ATP13A1: variants seen among roughly 807,000 people sequenced by gnomAD.
The protein encoded by ATP13A1 is endoplasmic reticulum transmembrane helix translocase.
ATP13A1 carries 55 observed loss-of-function variants against 134.8 expected under a neutral mutation model. The observed-to-expected ratio is 0.41, with a 90% CI of 0.33 to 0.51. The LOEUF is 0.51. Ranked by LOEUF, ATP13A1 falls within the 20% of genes least tolerant of loss-of-function variation. The pLI is 0.29. For synonymous variants in ATP13A1, 775 were observed against 725.1 expected, an observed-to-expected ratio of 1.07 and a Z score of -1.10; for missense variants, 1,389 against 1,652.8, an observed-to-expected ratio of 0.84 and a Z score of 2.77.
chr19:19,646,639 GCA>G (rs1346419055), intron 22 of ATP13A1: 1 of 491,254 alleles, frequency 2.0e-6, no homozygotes, highest in South Asian at 2.3e-5. Context: ...CACGGGACAG[GCA>G]CAGTCCCGCC....
Position 19,656,524 on chromosome 19 carries a change from A to G in ATP13A1, c.1083+136T>C. On this transcript the variant is annotated intron_variant, in intron 7 of 25. Coordinates refer to ENST00000357324, the MANE Select transcript of ATP13A1 (RefSeq NM_020410.3). This position sits in a 1 kb window ranked among gnomAD's most constrained non-coding sequence, Gnocchi z 4.6. The stretch of plus-strand genomic sequence containing the variant: ...CCTCGCCCCCACCACCCGGCTCCCC[A>G]GTCCACAGAGCTCATCTGTGCCCAC... The G allele has an allele frequency of 1.0e-6, 1 of 972,084 alleles. No individual in the cohort carries two copies. 60.2% of individuals were successfully genotyped at this position (972,084 alleles called of 1,614,324 possible).
intron 1 of ATP13A1, chr19:19,662,326 G>A (rs571710415): frequency 1.9e-5 from 19 of 985,296 alleles, no homozygotes; most frequent in Non-Finnish European, 2.2e-5. Context: ...CTCAGGAGAG[G>A]AGAATGAGGA....
At chr19:19,648,004 C>T (rs780178038) in intron 19 of ATP13A1, among the ~76,000 whole-genome samples, 2 of 152,184 alleles carry the variant, frequency 1.3e-5, no homozygotes, top group African/African-American at 2.4e-5. Flanking sequence ...AAAAAACACA[C>T]AACACGAGAT....
intron 1 of ATP13A1, 148 bp downstream of exon 1, chr19:19,663,123 T>C (rs2062104970): frequency 8.3e-7 from 1 of 1,205,162 alleles, no homozygotes; most frequent in Non-Finnish European, 1.2e-6. Flanking sequence ...TGATTAAGCC[T>C]GCGCCAAAGT....
At chr19:19,649,487 G>A in intron 19 of ATP13A1, 80 bp downstream of exon 19, 6 of 1,455,998 alleles carry the variant, frequency 4.1e-6, no homozygotes, top group Non-Finnish European at 5.7e-6. Flanking sequence ...GTCACCAAGG[G>A]CCAGGTCTGT....
rs1203943910 is a variant in ATP13A1 at position 19,663,539 on chromosome 19, A to T, written c.128T>A (p.Ile43Lys). 1 of 1,524,114 alleles carries T rather than the reference A, an allele frequency of 6.6e-7. No homozygotes were observed. Among genetic ancestry groups the T allele is most frequent in the Non-Finnish European group, 8.7e-7 (1 of 1,142,880 alleles). 94.4% of individuals were successfully genotyped at this position (1,524,114 alleles called of 1,614,324 possible). The change falls in exon 1 of 26, where the codon ATA becomes AAA. Residue 43 changes from isoleucine (I) to lysine (K), a missense_variant. Ile to Lys is a moderately radical substitution (Grantham distance 102). Coordinates refer to ENST00000357324, the MANE Select transcript of ATP13A1 (RefSeq NM_020410.3). Reference sequence around the variant, plus strand: ...AGCCACCAGCTCGTCACCGTTCGCTATGAGCGCCGGCCCGGCGGCAAGGAG... The same window carrying T: ...AGCCACCAGCTCGTCACCGTTCGCTTTGAGCGCCGGCCCGGCGGCAAGGAG... ...RALLAAGPAL[I>K]ANGDELVAAV...
At position 19,647,320 on chromosome 19, in the gene ATP13A1, G is replaced by A; in HGVS notation, c.2914C>T (p.His972Tyr). 1 of 1,612,612 alleles carries A rather than the reference G, an allele frequency of 6.2e-7. No homozygotes were observed. Among genetic ancestry groups the A allele is most frequent in the Non-Finnish European group, 8.5e-7 (1 of 1,179,516 alleles). The change falls in exon 22 of 26, where the codon CAC (histidine) becomes TAC (tyrosine). Residue 972 changes from histidine to tyrosine, a missense_variant. His to Tyr is a moderately conservative substitution (Grantham distance 83). Around this residue, in one of 4 missense-constraint regions of ATP13A1, gnomAD observed 228 missense variants for 321.0 expected, o/e 0.71. Coordinates refer to ENST00000357324, the MANE Select transcript of ATP13A1 (RefSeq NM_020410.3). The surrounding 1 kb of genome is among the most constrained non-coding windows in gnomAD (Gnocchi z 4.8). The part of the protein sequence containing the change: ...SKLSSIQCIC[H>Y]VIKQGRCTLV... ...GTGCAGCGGCCCTGCTTGATCACGT[G>A]GCAGACTGCAGGGTGGTGGGGAGGC...
chr19:19,657,076 G>T lies in ATP13A1; in HGVS notation c.824C>A (p.Ala275Glu). 6.5e-7 allele frequency: 1 copy of T among 1,548,404 alleles called. No homozygotes were observed. Residue 275 changes from alanine (A) to glutamate (E), a missense_variant, in exon 5 of 26, where the codon GCG (alanine) becomes GAG (glutamate). By Grantham distance (107) the Ala-to-Glu change is moderately radical. Coordinates refer to ENST00000357324, the MANE Select transcript of ATP13A1 (RefSeq NM_020410.3). ...YSVFTLSMLV[A>E]FEASLVQQQM... ...CTGCTGCACCAGCGAGGCCTCGAAC[G>T]CCACCAGCATGGATAGCGTAAAGAC...
At chr19:19,662,382 T>A (rs1258807563) in intron 1 of ATP13A1, 12 of 984,088 alleles carry the variant, frequency 1.2e-5, no homozygotes, top group Non-Finnish European at 1.2e-5. Flanking sequence ...CTTCTGTCTT[T>A]CTGTAGCCCT....
intron 22 of ATP13A1, 28 bp from the exon 23 acceptor site, chr19:19,646,375 C>A (rs759737150): frequency 2.7e-5 from 43 of 1,612,704 alleles, no homozygotes; most frequent in Non-Finnish European, 3.6e-5. Flanking sequence ...GTGGGGGAGT[C>A]AGGATCTGGC....
chr19:19,649,736 C>A lies in ATP13A1; in HGVS notation c.2535+5G>T. 3 of 1,605,570 alleles carry A rather than the reference C, an allele frequency of 1.9e-6. No individual in the cohort carries two copies. Among genetic ancestry groups the A allele is most frequent in the Non-Finnish European group, 2.6e-6 (3 of 1,174,452 alleles). ...TGCCCCTGACCCCTAGGGCTGTGCA[C>A]ATACCTTCTGCTTGGGAGCCACACG... On this transcript the variant is annotated splice_donor_5th_base_variant and intron_variant, in intron 18 of 25. Transcript: ENST00000357324.
In ATP13A1 at chr19:19,653,817, C is replaced by G. The variant is rs1361458842; in HGVS notation, c.2067G>C (p.Gly689=). ...GAGTGAGGTGTCCCAGCTCCTTGTA[C>G]CCCAGCGCCAGGACGCGGGCTCCTT... ...SREGARVLAL[G]YKELGHLTHQ... The change falls in exon 15 of 26, where the codon GGG becomes GGC. Residue 689 remains glycine (G), a synonymous_variant. Coordinates refer to ENST00000357324, the MANE Select transcript of ATP13A1 (RefSeq NM_020410.3). The surrounding 1 kb of genome is among the most constrained non-coding windows in gnomAD (Gnocchi z 4.2). The G allele has an allele frequency of 3.2e-6, 5 of 1,556,188 alleles. No individual in the cohort carries two copies. Among genetic ancestry groups the G allele is most frequent in the Non-Finnish European group, 2.6e-6 (3 of 1,150,000 alleles).
rs777138251 is a variant in ATP13A1, at chr19:19,656,212, G to A, written c.1084-29C>T. 1.3e-6 allele frequency: 2 copies of A among 1,579,380 alleles called. No homozygotes were observed. Among genetic ancestry groups the A allele is most frequent in the Non-Finnish European group, 1.7e-6 (2 of 1,160,774 alleles). On this transcript the variant is annotated intron_variant, in intron 7 of 25. Transcript: ENST00000357324. This position sits in a 1 kb window ranked among gnomAD's most constrained non-coding sequence, Gnocchi z 4.6. Reference sequence around the variant, plus strand: ...GGGAGGAAGATCGTGAATCTGGATGGCCAGGCCTACCTTGCTTCCTTCTCC... The same window carrying A: ...GGGAGGAAGATCGTGAATCTGGATGACCAGGCCTACCTTGCTTCCTTCTCC...
chr19:19,663,647 A>ACCG lies in ATP13A1; in HGVS notation c.17_19dup (p.Ala6dup), dbSNP rs999152707. ...GGCCCCGCAGGGCACCGCGTTGCCCACCGCCGCCGCTGCCGCCATCTTTCC... is the reference window on the plus strand; with the variant it reads ...GGCCCCGCAGGGCACCGCGTTGCCCACCGCCGCCGCCGCTGCCGCCATCTTTCC... On this transcript the variant is annotated inframe_insertion, in exon 1 of 26. Transcript: ENST00000357324. 3.9e-6 allele frequency: 5 copies of ACCG among 1,295,606 alleles called. No individual in the cohort carries two copies. The highest frequency in any genetic ancestry group is 3.7e-5 in the Admixed American group (1 of 26,842). The allele number at this position is 1,295,606 out of a possible 1,614,324, so 80.3% of individuals were successfully genotyped here.
intron 19 of ATP13A1, among the ~76,000 whole-genome samples, chr19:19,648,250 C>T (rs991272056): frequency 1.3e-5 from 2 of 151,838 alleles, no homozygotes; most frequent in African/African-American, 2.4e-5. Flanking sequence ...ACCCGGGAGG[C>T]GGAGGTTGCA....
chr19:19,656,752 C>T lies in ATP13A1; in HGVS notation c.991G>A (p.Glu331Lys). The change falls in exon 7 of 26, where the codon GAG becomes AAG. Residue 331 changes from glutamate (E) to lysine (K), a missense_variant. Coordinates refer to ENST00000357324, the MANE Select transcript of ATP13A1 (RefSeq NM_020410.3). The surrounding 1 kb of genome is among the most constrained non-coding windows in gnomAD (Gnocchi z 4.6). The part of the protein sequence containing the change: ...DIVSIGRSPQ[E>K]NLVPCDVLLL... ...AGCACGTCACATGGCACCAGGTTCTCCTGTGGGGAGCGGCCTGCAGGGCAG... is the reference window on the plus strand; with the variant it reads ...AGCACGTCACATGGCACCAGGTTCTTCTGTGGGGAGCGGCCTGCAGGGCAG... 1 of 1,613,666 alleles carries T rather than the reference C, an allele frequency of 6.2e-7. No individual in the cohort carries two copies. The highest frequency in any genetic ancestry group is 8.5e-7 in the Non-Finnish European group (1 of 1,179,856).
At position 19,658,089 on chromosome 19, in the gene ATP13A1, C is replaced by T. The variant is rs1406354092; in HGVS notation, c.678-681G>A. ...GCTTGAGCCCAGGAGTTCAAGGCTACAGTGAGCCATGATCACACCACTGCA... is the reference window on the plus strand; with the variant it reads ...GCTTGAGCCCAGGAGTTCAAGGCTATAGTGAGCCATGATCACACCACTGCA... On this transcript the variant is annotated intron_variant, in intron 3 of 25. Coordinates refer to ENST00000357324, the MANE Select transcript of ATP13A1 (RefSeq NM_020410.3). 1.9e-4 allele frequency among the ~76,000 whole-genome samples: 26 copies of T among 137,274 alleles called. No individual in the cohort carries two copies. In the Admixed American group the frequency reaches 2.0e-3, roughly 11 times the overall value. 90.1% of individuals were successfully genotyped at this position (137,274 alleles called of 152,430 possible). A position where few individuals can be genotyped will look rare whatever the true frequency, so the allele number is the denominator to read the frequency against.
At chr19:19,646,876 G>T (rs2061989485) in intron 22 of ATP13A1, 2 of 541,402 alleles carry the variant, frequency 3.7e-6, no homozygotes, top group East Asian at 6.2e-5. Flanking sequence ...TTCCTTGCTT[G>T]TGGGGCTCTG....
chr19:19,648,806 T>C (rs1332538639), intron 19 of ATP13A1, among the ~76,000 whole-genome samples: 1 of 32,738 alleles, frequency 3.1e-5, no homozygotes, highest in East Asian at 7.6e-4. Flanking sequence ...AGAAACTGTC[T>C]CAAAAAAAAA....
Sources: allele counts gnomAD v4.1 joint callset (sites outside exome capture counted in the v4.1 genomes callset), GRCh38; gene constraint gnomAD v4.1.1; regional missense constraint gnomAD v4.1.1; non-coding constraint Gnocchi (gnomAD v3.1); transcripts MANE v1.5; gene names NCBI Gene and HGNC (gene_info 2026-07-23, HGNC 2026-07-21).